MAN1A1: variants seen among roughly 807,000 people sequenced by gnomAD.
The protein encoded by MAN1A1 is mannosyl-oligosaccharide 1,2-alpha-mannosidase IA.
In MAN1A1, 29 loss-of-function variants were observed where a neutral mutation model predicts 70.8. The observed-to-expected ratio is 0.41, with a 90% CI of 0.31 to 0.56. MAN1A1 has a LOEUF of 0.56. Among genes scored for constraint, MAN1A1 ranks in the 20% least tolerant of loss-of-function variants. The pLI is 0.29. For synonymous variants in MAN1A1, 349 were observed against 330.1 expected, an observed-to-expected ratio of 1.06 and a Z score of -0.62; for missense variants, 747 against 841.3, an observed-to-expected ratio of 0.89 and a Z score of 1.39.
At chr6:119,331,576 T>TATATATATAG (rs1773314491) in intron 2 of MAN1A1, among the ~76,000 whole-genome samples, 1 of 137,732 alleles carries the variant, frequency 7.3e-6, no homozygotes, top group Admixed American at 7.2e-5. Context: ...TATGCATATA[T>TATATATATAG]ATATATATAT....
intron 7 of MAN1A1, among the ~76,000 whole-genome samples, 195 bp downstream of exon 7, chr6:119,204,563 GA>G (rs916880976): frequency 6.6e-6 from 1 of 152,204 alleles, no homozygotes; most frequent in Non-Finnish European, 1.5e-5. Flanking sequence ...CTCACATCCT[GA>G]ACTAGAGTGG....
At chr6:119,307,846 G>A (rs1483597396) in intron 2 of MAN1A1, among the ~76,000 whole-genome samples, 1 of 152,128 alleles carries the variant, frequency 6.6e-6, no homozygotes, top group Non-Finnish European at 1.5e-5. Flanking sequence ...CCATATTTTA[G>A]AGTATCTTAA....
intron 5 of MAN1A1, among the ~76,000 whole-genome samples, chr6:119,252,994 G>A (rs1386968785): frequency 1.3e-5 from 2 of 151,878 alleles, no homozygotes; most frequent in African/African-American, 4.8e-5. Flanking sequence ...AGTTGGAAAG[G>A]TGAAAAAACT....
chr6:119,180,194 T>C (rs1191371230), intron 12 of MAN1A1, 118 bp downstream of exon 12: 1 of 771,714 alleles, frequency 1.3e-6, no homozygotes, highest in African/African-American at 1.7e-5. Flanking sequence ...ATTATAGCCA[T>C]GCCTGATATT....
rs1036770958 is a variant in MAN1A1, at chr6:119,268,743, T to C, written c.898-20389A>G. On this transcript the variant is annotated intron_variant, in intron 5 of 12. Coordinates refer to ENST00000368468, the MANE Select transcript of MAN1A1 (RefSeq NM_005907.4). ...CTGGGAGTACAGGCATGTGCCACCA[T>C]GCCTAGCTAATTTCTGCATTTTTGT... Among the ~76,000 whole-genome samples the C allele has an allele frequency of 3.3e-5, 5 of 152,032 alleles. No homozygotes were observed. In the South Asian group the frequency reaches 6.2e-4, roughly 19 times the overall value.
rs1410519865 is a variant in MAN1A1, at chr6:119,349,738, C to G, written c.-419G>C. The G allele has an allele frequency of 1.0e-6, 1 of 985,508 alleles. No individual in the cohort carries two copies. Among genetic ancestry groups the G allele is most frequent in the Non-Finnish European group, 1.2e-6 (1 of 829,994 alleles). 61.0% of individuals were successfully genotyped at this position (985,508 alleles called of 1,614,324 possible). ...GCAGCGAGTAGAGCAGCACGGTACA[C>G]TCCGCCGCGGCCCCGCGAGCACTAA... On this transcript the variant is annotated 5_prime_UTR_variant, in exon 1 of 13. Transcript: ENST00000368468.
At position 119,178,276 on chromosome 6, in the gene MAN1A1, A is replaced by G. The variant is rs1191194784; in HGVS notation, c.*1543T>C. 2.0e-5 allele frequency: 3 copies of G among 152,138 alleles called. No homozygotes were observed. The highest frequency in any genetic ancestry group is 1.9e-4 in the East Asian group (1 of 5,202). 9.4% of individuals were successfully genotyped at this position (152,138 alleles called of 1,614,324 possible). On this transcript the variant is annotated 3_prime_UTR_variant, in exon 13 of 13. Coordinates refer to ENST00000368468, the MANE Select transcript of MAN1A1 (RefSeq NM_005907.4). Reference sequence around the variant, plus strand: ...ATAGCTAAGAAAATAATTGTCTTCAATAATATTAGGTGGAACCATATGAAA... The same window carrying G: ...ATAGCTAAGAAAATAATTGTCTTCAGTAATATTAGGTGGAACCATATGAAA...
intron 6 of MAN1A1, among the ~76,000 whole-genome samples, chr6:119,242,908 C>T (rs1775050338): frequency 6.6e-6 from 1 of 151,834 alleles, no homozygotes; most frequent in African/African-American, 2.4e-5. Context: ...CAGAAGACTA[C>T]AAATGGCCAA....
intron 11 of MAN1A1, among the ~76,000 whole-genome samples, chr6:119,181,010 C>A (rs995879159): frequency 6.6e-6 from 1 of 152,136 alleles, no homozygotes; most frequent in African/African-American, 2.4e-5. Context: ...TTACCAATTC[C>A]CCCTATGGTC....
intron 2 of MAN1A1, among the ~76,000 whole-genome samples, chr6:119,308,683 G>A (rs964493334): frequency 2.0e-5 from 3 of 152,078 alleles, no homozygotes; most frequent in African/African-American, 7.2e-5. Context: ...AGAAACCAAT[G>A]AGCCTCTGAA....
chr6:119,307,117 A>G, intron 2 of MAN1A1, 125 bp from the exon 3 acceptor site: 1 of 633,688 alleles, frequency 1.6e-6, no homozygotes, highest in South Asian at 1.9e-5. Flanking sequence ...TGACTAAGTA[A>G]AAGAATTATG....
intron 11 of MAN1A1, 123 bp downstream of exon 11, chr6:119,188,281 TG>T: frequency 1.1e-6 from 1 of 875,286 alleles, no homozygotes; most frequent in Non-Finnish European, 1.7e-6. Flanking sequence ...CAGTCCTGGG[TG>T]GAAAAAATCC....
At chr6:119,275,711 G>A (rs1776042851) in intron 5 of MAN1A1, among the ~76,000 whole-genome samples, 1 of 152,174 alleles carries the variant, frequency 6.6e-6, no homozygotes, top group Non-Finnish European at 1.5e-5. Flanking sequence ...CAAAGTGCTG[G>A]GATTACAGGC....
chr6:119,307,922 A>T (rs1772577445), intron 2 of MAN1A1, among the ~76,000 whole-genome samples: 1 of 152,182 alleles, frequency 6.6e-6, no homozygotes, highest in Non-Finnish European at 1.5e-5. Flanking sequence ...CATTGAGATC[A>T]GTATCATTTT....
intron 3 of MAN1A1, among the ~76,000 whole-genome samples, chr6:119,302,437 A>G (rs1772417190): frequency 1.3e-5 from 2 of 150,582 alleles, no homozygotes; most frequent in Admixed American, 1.3e-4. Flanking sequence ...GCTGGAGTGC[A>G]GTGGCGCGAT....
intron 6 of MAN1A1, 117 bp downstream of exon 6, chr6:119,248,143 G>C: frequency 3.0e-6 from 2 of 663,384 alleles, no homozygotes; most frequent in East Asian, 2.8e-5. Flanking sequence ...AAGACTCCCA[G>C]TGGAGTCTGT....
Position 119,319,031 on chromosome 6 carries a change from GA to G in MAN1A1, c.604-12040del, listed in dbSNP as rs569880246. On this transcript the variant is annotated intron_variant, in intron 2 of 12. Coordinates refer to ENST00000368468, the MANE Select transcript of MAN1A1 (RefSeq NM_005907.4). Reference sequence around the variant, plus strand: ...TCAGATTTCTCATTAAACACATGCAGAAAAAAAGTACTGAGATATGGATTAT... The same window carrying G: ...TCAGATTTCTCATTAAACACATGCAGAAAAAAGTACTGAGATATGGATTAT... Among the ~76,000 whole-genome samples, 742 of 152,128 alleles carry G rather than the reference GA, an allele frequency of 4.9e-3. 3 individuals are homozygous for G. The highest frequency in any genetic ancestry group is 8.0e-3 in the Non-Finnish European group (547 of 67,968).
At chr6:119,210,347 A>G (rs931338571) in intron 6 of MAN1A1, among the ~76,000 whole-genome samples, 2 of 152,198 alleles carry the variant, frequency 1.3e-5, no homozygotes, top group African/African-American at 4.8e-5. Flanking sequence ...CAATAGCTTC[A>G]GAGAACACCA....
Position 119,348,411 on chromosome 6 carries a change from C to T in MAN1A1, c.603+52G>A. On this transcript the variant is annotated intron_variant, in intron 2 of 12. Coordinates refer to ENST00000368468, the MANE Select transcript of MAN1A1 (RefSeq NM_005907.4). Reference sequence around the variant, plus strand: ...TCAGAGTTTCAAAGGCTTGCCGTTTCTCCCTGAAAAACACGGCCGGTCGGG... The same window carrying T: ...TCAGAGTTTCAAAGGCTTGCCGTTTTTCCCTGAAAAACACGGCCGGTCGGG... 2.7e-6 allele frequency: 4 copies of T among 1,477,640 alleles called. No homozygotes were observed. The South Asian group carries it at 5.0e-5, about 19-fold the overall frequency. The allele number at this position is 1,477,640 out of a possible 1,614,324, so 91.5% of individuals were successfully genotyped here.
Sources: gnomAD v4.1 joint callset for allele counts (sites outside exome capture counted in the v4.1 genomes callset) on GRCh38, gnomAD v4.1.1 for gene constraint, MANE v1.5 for transcripts, NCBI Gene and HGNC (gene_info 2026-07-23, HGNC 2026-07-21) for gene names.